Variants in ZMYM4 observed in about 807,000 individuals in gnomAD.
ZMYM4 encodes zinc finger MYM-type protein 4.
Under a neutral mutation model 183.2 loss-of-function variants are expected in ZMYM4, and 31 were observed. The ratio of observed to expected loss-of-function variants is 0.17; its 90% CI spans 0.13 to 0.23. ZMYM4 has a LOEUF of 0.23. Among genes scored for constraint, ZMYM4 ranks in the 10% least tolerant of loss-of-function variants. The probability of loss-of-function intolerance (pLI) is 1.00; values close to 1 mark genes in which losing one functional copy is unlikely to be tolerated. For missense variants in ZMYM4, 1,273 were observed against 1,840.3 expected, an observed-to-expected ratio of 0.69 and a Z score of 5.64; for synonymous variants, 592 against 631.2, an observed-to-expected ratio of 0.94 and a Z score of 0.93.
intron 2 of ZMYM4, among the ~76,000 whole-genome samples, chr1:35,353,368 T>C (rs1046424875): frequency 7.9e-5 from 12 of 152,376 alleles, no homozygotes; most frequent in African/African-American, 2.9e-4. Context: ...TTGTAAAACA[T>C]AAATTATGTT....
chr1:35,328,806 T>C (rs1642615797), intron 2 of ZMYM4, among the ~76,000 whole-genome samples: 1 of 152,162 alleles, frequency 6.6e-6, no homozygotes, highest in Non-Finnish European at 1.5e-5. Context: ...GACAGCTACA[T>C]AGATGATATT....
intron 7 of ZMYM4, among the ~76,000 whole-genome samples, chr1:35,376,545 G>A (rs1019069313): frequency 6.6e-6 from 1 of 150,586 alleles, no homozygotes; most frequent in Admixed American, 6.6e-5. Context: ...TTTTTTTTGA[G>A]ACGGAGTCTC....
At chr1:35,375,486 A>G (rs994533916) in intron 7 of ZMYM4, among the ~76,000 whole-genome samples, 5 of 152,174 alleles carry the variant, frequency 3.3e-5, no homozygotes, top group Non-Finnish European at 7.4e-5. Context: ...ATGTAGTCAA[A>G]CAGGTTTCAT....
chr1:35,319,526 G>C (rs1056257669), intron 1 of ZMYM4, among the ~76,000 whole-genome samples: 12 of 152,262 alleles, frequency 7.9e-5, no homozygotes, highest in Non-Finnish European at 1.6e-4. Context: ...TGGGAGTTGA[G>C]GTGGGAGGAT....
intron 1 of ZMYM4, among the ~76,000 whole-genome samples, chr1:35,300,952 T>G (rs1641251301): frequency 6.6e-6 from 1 of 152,200 alleles, no homozygotes; most frequent in African/African-American, 2.4e-5. Flanking sequence ...TTTGATTGAA[T>G]GCTAGACATT....
chr1:35,353,959 A>G (rs1643721436), intron 2 of ZMYM4, among the ~76,000 whole-genome samples: 1 of 152,004 alleles, frequency 6.6e-6, no homozygotes, highest in Non-Finnish European at 1.5e-5. Context: ...AGCCTGGGCA[A>G]TGTGGTGAAA....
At chr1:35,341,689 A>G (rs1643206469) in intron 2 of ZMYM4, among the ~76,000 whole-genome samples, 1 of 151,960 alleles carries the variant, frequency 6.6e-6, no homozygotes, top group Non-Finnish European at 1.5e-5. Flanking sequence ...CAGCTTCTTC[A>G]CATTATATAA....
chr1:35,338,141 C>T (rs978637787), intron 2 of ZMYM4, among the ~76,000 whole-genome samples: 1 of 152,036 alleles, frequency 6.6e-6, no homozygotes, highest in Non-Finnish European at 1.5e-5. Context: ...AGGGAGGTCT[C>T]TTGGATTTGA....
In ZMYM4 at chr1:35,316,113, G is replaced by A. The variant is rs192801013; in HGVS notation, c.40-9247G>A. Among the ~76,000 whole-genome samples the A allele has an allele frequency of 5.9e-5, 9 of 152,168 alleles. No individual in the cohort carries two copies. In the East Asian group the frequency reaches 1.2e-3, roughly 20 times the overall value. ...TGAATTGTGAGCATTAAATTTGAAC[G>A]TTTGGAAAGAGTTTTTAGGATTATG... On this transcript the variant is annotated intron_variant, in intron 1 of 29. Coordinates refer to ENST00000314607, the MANE Select transcript of ZMYM4 (RefSeq NM_005095.3).
At chr1:35,316,949 C>G (rs1642071543) in intron 1 of ZMYM4, among the ~76,000 whole-genome samples, 1 of 150,984 alleles carries the variant, frequency 6.6e-6, no homozygotes, top group Non-Finnish European at 1.5e-5. Flanking sequence ...TGGTGAAACC[C>G]TGTCTCTACT....
rs529259217 is a variant in ZMYM4 at position 35,340,797 on chromosome 1, C to G, written c.85+15392C>G. 7.2e-5 allele frequency among the ~76,000 whole-genome samples: 11 copies of G among 152,278 alleles called. No homozygotes were observed. In the East Asian group the frequency reaches 2.1e-3, roughly 29 times the overall value. Reference sequence around the variant, plus strand: ...GACCTCCTGCTGTGAGGCCCAGTTTCTAACAGGCCATGGACTGGTACTGGT... The same window carrying G: ...GACCTCCTGCTGTGAGGCCCAGTTTGTAACAGGCCATGGACTGGTACTGGT... On this transcript the variant is annotated intron_variant, in intron 2 of 29. Coordinates refer to ENST00000314607, the MANE Select transcript of ZMYM4 (RefSeq NM_005095.3).
At chr1:35,343,523 A>C (rs1643280174) in intron 2 of ZMYM4, among the ~76,000 whole-genome samples, 1 of 151,960 alleles carries the variant, frequency 6.6e-6, no homozygotes, top group African/African-American at 2.4e-5. Context: ...CCGTATGTTT[A>C]TCCTTAGGCC....
intron 1 of ZMYM4, among the ~76,000 whole-genome samples, chr1:35,285,038 A>G (rs950127137): frequency 6.6e-6 from 1 of 152,150 alleles, no homozygotes; most frequent in Non-Finnish European, 1.5e-5. Flanking sequence ...CTATTTGTCT[A>G]TATGCCTGTT....
At chr1:35,403,680 T>C (rs2149021508) in intron 23 of ZMYM4, among the ~76,000 whole-genome samples, 1 of 152,296 alleles carries the variant, frequency 6.6e-6, no homozygotes, top group African/African-American at 2.4e-5. Context: ...ATAAAATTAG[T>C]TAATATTTCT....
At position 35,396,602 on chromosome 1, in the gene ZMYM4, G is replaced by C. The variant is rs1558164909; in HGVS notation, c.2962G>C (p.Val988Leu). ...TATTGTGGTGCCAGTTCCCGTACCA[G>C]TGTTTGTTCCCATACCTCTTCACCT... ...QIIVVPVPVP[V>L]FVPIPLHLYT... Residue 988 changes from valine (V) to leucine (L), a missense_variant, in exon 19 of 30, where the codon GTG becomes CTG. Val to Leu is a conservative substitution (Grantham distance 32). Around this residue, in one of 6 missense-constraint regions of ZMYM4, gnomAD observed 290 missense variants for 353.3 expected, o/e 0.82. Transcript: ENST00000314607. 1.2e-6 allele frequency: 2 copies of C among 1,613,864 alleles called. No individual in the cohort carries two copies. Among genetic ancestry groups the C allele is most frequent in the Non-Finnish European group, 1.7e-6 (2 of 1,179,812 alleles).
chr1:35,388,160 T>C (rs545921959), intron 13 of ZMYM4, among the ~76,000 whole-genome samples: 6 of 152,236 alleles, frequency 3.9e-5, no homozygotes, highest in Non-Finnish European at 7.3e-5. Context: ...ACATTTACAC[T>C]GTGACCCAGT....
At position 35,401,391 on chromosome 1, in the gene ZMYM4, G is replaced by A. The variant is rs191789860; in HGVS notation, c.3528+1815G>A. On this transcript the variant is annotated intron_variant, in intron 23 of 29. Coordinates refer to ENST00000314607, the MANE Select transcript of ZMYM4 (RefSeq NM_005095.3). ...TTTCCCTAATGATTAATGATGTTAA[G>A]CATCTTTTCATATATGTATTTGCCA... Among the ~76,000 whole-genome samples the A allele has an allele frequency of 1.2e-3, 181 of 152,250 alleles. 1 individual carries two copies. The Middle Eastern group carries it at 0.014, about 11-fold the overall frequency.
rs540340058 is a variant in ZMYM4 at position 35,401,318 on chromosome 1, C to G, written c.3528+1742C>G. Among the ~76,000 whole-genome samples the G allele has an allele frequency of 1.1e-3, 170 of 152,250 alleles. 1 individual carries two copies. Among genetic ancestry groups the G allele is most frequent in the African/African-American group, 4.0e-3 (168 of 41,546 alleles). On this transcript the variant is annotated intron_variant, in intron 23 of 29. Coordinates refer to ENST00000314607, the MANE Select transcript of ZMYM4 (RefSeq NM_005095.3). ...TGGTATTGTTGATTTTTAATTTTAG[C>G]CATTCTAGTCAATGTATAGTGGTAC...
At chr1:35,409,535 A>C (rs774207458) in intron 26 of ZMYM4, among the ~76,000 whole-genome samples, 10 of 152,062 alleles carry the variant, frequency 6.6e-5, no homozygotes, top group Admixed American at 5.2e-4. Context: ...TGACATTGGG[A>C]ATCTTTTTGT....
Sources: allele counts gnomAD v4.1 joint callset (sites outside exome capture counted in the v4.1 genomes callset), GRCh38; gene constraint gnomAD v4.1.1; regional missense constraint gnomAD v4.1.1; transcripts MANE v1.5; gene names NCBI Gene and HGNC (gene_info 2026-07-23, HGNC 2026-07-21).